Variants in C10orf90 observed in about 807,000 individuals in gnomAD.
C10orf90 encodes chromosome 10 open reading frame 90.
In C10orf90, 56 loss-of-function variants were observed where a neutral mutation model predicts 62.5. The observed-to-expected ratio is 0.90, with a 90% confidence interval of 0.72 to 1.12. C10orf90 has a LOEUF of 1.12. C10orf90 is among the 50% of genes most tolerant of loss of function. C10orf90 has a pLI of 0.00. For synonymous variants in C10orf90, 386 were observed against 340.4 expected (o/e 1.13, Z -1.47); for missense variants, 970 against 880.4 (o/e 1.10, Z -1.29).
rs780301729 is a variant in C10orf90 at position 126,588,623 on chromosome 10, G to GAAAAC, written c.313+57937_313+57941dup. Among the ~76,000 whole-genome samples the GAAAAC allele has an allele frequency of 3.4e-4, 51 of 152,068 alleles. 1 individual carries two copies. Among genetic ancestry groups the GAAAAC allele is most frequent in the Non-Finnish European group, 4.4e-4 (30 of 67,968 alleles). ...GAGTGGCCTGACTATTAAAAGAAAA[G>GAAAAC]AAAACAAAACAAAACAAAAAACAGA... On this transcript the variant is annotated intron_variant, in intron 2 of 9. Coordinates refer to ENST00000488181, the MANE Select transcript of C10orf90 (RefSeq NM_001350921.2).
rs1864660098 is a variant in C10orf90 at position 126,552,558 on chromosome 10, C to T, written c.314-38619G>A. Among the ~76,000 whole-genome samples the T allele has an allele frequency of 2.0e-5, 3 of 152,308 alleles. No individual in the cohort carries two copies. The South Asian group carries it at 6.2e-4, about 32-fold the overall frequency. On this transcript the variant is annotated intron_variant, in intron 2 of 9. Transcript: ENST00000488181. ...TCTCGCTGCAAAGACCAGACTGAGC[C>T]CTGCCAGGAGACGCTGTCTTATAAA... is the stretch of plus-strand genomic sequence containing the variant.
At chr10:126,485,749 T>C (rs969123355) in intron 4 of C10orf90, among the ~76,000 whole-genome samples, 2 of 151,050 alleles carry the variant, frequency 1.3e-5, no homozygotes, top group Non-Finnish European at 1.5e-5. Context: ...GGCCATCCTG[T>C]CTAACATGGT....
At chr10:126,472,252 T>C (rs1395524760) in intron 4 of C10orf90, among the ~76,000 whole-genome samples, 1 of 152,214 alleles carries the variant, frequency 6.6e-6, no homozygotes, top group Admixed American at 6.5e-5. Flanking sequence ...TTTTCTAAAG[T>C]ATAAAAGCAA....
intron 2 of C10orf90, among the ~76,000 whole-genome samples, chr10:126,638,472 C>T (rs1379021304): frequency 1.3e-5 from 2 of 152,134 alleles, no homozygotes; most frequent in African/African-American, 4.8e-5. Context: ...CTTTCTGTCA[C>T]ACCTTCTAGC....
intron 3 of C10orf90, among the ~76,000 whole-genome samples, chr10:126,507,752 T>C (rs1437112599): frequency 6.6e-6 from 1 of 152,140 alleles, no homozygotes; most frequent in Admixed American, 6.6e-5. Flanking sequence ...TACATTAGAA[T>C]TCCTGGGCAG....
chr10:126,480,492 C>T (rs1351013803), intron 4 of C10orf90, among the ~76,000 whole-genome samples: 1 of 152,240 alleles, frequency 6.6e-6, no homozygotes, highest in Non-Finnish European at 1.5e-5. Context: ...GGCTATACCT[C>T]CATGTACCAT....
At chr10:126,538,546 C>T (rs529279455) in intron 2 of C10orf90, among the ~76,000 whole-genome samples, 2 of 152,298 alleles carry the variant, frequency 1.3e-5, no homozygotes, top group Non-Finnish European at 2.9e-5. Context: ...TGCTTTGCTA[C>T]GGCAGTCCTA....
chr10:126,514,065 T>G, intron 2 of C10orf90, 126 bp from the exon 3 acceptor site: 1 of 668,694 alleles, frequency 1.5e-6, no homozygotes, highest in Non-Finnish European at 2.5e-6. Context: ...AAATCCAGGA[T>G]AGTCTAACCA....
chr10:126,655,074 A>C (rs761114026), intron 1 of C10orf90, among the ~76,000 whole-genome samples: 4 of 152,170 alleles, frequency 2.6e-5, no homozygotes, highest in Non-Finnish European at 5.9e-5. Flanking sequence ...TAATCCCAGC[A>C]CTTTGGGAGA....
chr10:126,526,527 A>G (rs1368738268), intron 2 of C10orf90, among the ~76,000 whole-genome samples: 1 of 152,180 alleles, frequency 6.6e-6, no homozygotes, highest in Non-Finnish European at 1.5e-5. Flanking sequence ...TACAGGTGTG[A>G]GCCACCGCAC....
intron 2 of C10orf90, among the ~76,000 whole-genome samples, chr10:126,643,075 G>T (rs1485000343): frequency 1.3e-5 from 2 of 152,220 alleles, no homozygotes; most frequent in Non-Finnish European, 2.9e-5. Context: ...CAACAGAGTT[G>T]TCTTCCTAGC....
chr10:126,435,710 C>T (rs934856078), intron 7 of C10orf90, among the ~76,000 whole-genome samples: 5 of 152,226 alleles, frequency 3.3e-5, no homozygotes, highest in South Asian at 2.1e-4. Flanking sequence ...TTGATGTACT[C>T]CCTGAGCCCA....
intron 3 of C10orf90, 82 bp downstream of exon 3, chr10:126,513,766 C>A: frequency 2.5e-6 from 2 of 808,146 alleles, no homozygotes; most frequent in Non-Finnish European, 4.1e-6. Flanking sequence ...AAAATGCAAT[C>A]ACATCACAAG....
intron 7 of C10orf90, among the ~76,000 whole-genome samples, chr10:126,433,819 T>C (rs928136223): frequency 6.6e-5 from 10 of 152,192 alleles, no homozygotes; most frequent in African/African-American, 2.4e-4. Flanking sequence ...AAGTGGCAGG[T>C]GAGAACCATT....
At chr10:126,505,211 CT>C in intron 3 of C10orf90, 126 bp from the exon 4 acceptor site, 1 of 901,860 alleles carries the variant, frequency 1.1e-6, no homozygotes, top group Non-Finnish European at 1.6e-6. Flanking sequence ...TTGTCCAAGG[CT>C]TTTTACTGCA....
At chr10:126,496,932 T>C (rs1312209218) in intron 4 of C10orf90, among the ~76,000 whole-genome samples, 3 of 152,198 alleles carry the variant, frequency 2.0e-5, no homozygotes, top group African/African-American at 7.2e-5. Flanking sequence ...CGTCCAGGAA[T>C]GTGCAGTGTG....
intron 2 of C10orf90, among the ~76,000 whole-genome samples, chr10:126,581,609 A>G (rs767872836): frequency 6.6e-6 from 1 of 152,170 alleles, no homozygotes; most frequent in South Asian, 2.1e-4. Context: ...TCACAGGCAT[A>G]AAACTGATGT....
At chr10:126,546,811 G>A (rs986629104) in intron 2 of C10orf90, among the ~76,000 whole-genome samples, 1 of 152,216 alleles carries the variant, frequency 6.6e-6, no homozygotes, top group Non-Finnish European at 1.5e-5. Context: ...TAACATGAGT[G>A]TCCAGGTTTT....
intron 2 of C10orf90, among the ~76,000 whole-genome samples, chr10:126,610,390 C>T (rs1428021389): frequency 6.6e-6 from 1 of 152,216 alleles, no homozygotes; most frequent in Non-Finnish European, 1.5e-5. Context: ...GACAGGAGCC[C>T]CAGGGCTCTG....
Sources: gnomAD v4.1 joint callset for allele counts (sites outside exome capture counted in the v4.1 genomes callset) on GRCh38, gnomAD v4.1.1 for gene constraint, MANE v1.5 for transcripts, NCBI Gene and HGNC (gene_info 2026-07-23, HGNC 2026-07-21) for gene names.